The following HSPG2 variants were observed in gnomAD, a reference collection of about 807,000 sequenced individuals.
The protein encoded by HSPG2 is basement membrane-specific heparan sulfate proteoglycan core protein.
In HSPG2, 278 loss-of-function variants were observed where a neutral mutation model predicts 526.6. The observed-to-expected ratio is 0.53, with a 90% CI of 0.48 to 0.58. The LOEUF is 0.58. Among genes scored for constraint, HSPG2 ranks in the 20% least tolerant of loss-of-function variants. The probability of loss-of-function intolerance (pLI) is 0.00; values close to 1 mark genes in which losing one functional copy is unlikely to be tolerated. For missense variants in HSPG2, 5,354 were observed against 6,099.5 expected (o/e 0.88, Z 4.07); for synonymous variants, 2,465 against 2,555.4 (o/e 0.96, Z 1.07).
intron 1 of HSPG2, among the ~76,000 whole-genome samples, chr1:21,925,398 C>T (rs9426788): frequency 0.23 from 34,878 of 152,120 alleles, 4,510 homozygotes; most frequent in East Asian, 0.43. Context: ...TTGCATTTCA[C>T]CCAAGCCCCC....
chr1:21,856,324 C>T (rs944345633), intron 44 of HSPG2, among the ~76,000 whole-genome samples: 1 of 152,190 alleles, frequency 6.6e-6, no homozygotes, highest in Non-Finnish European at 1.5e-5. Flanking sequence ...CAATGCCTAC[C>T]TTTCCTTCAG....
chr1:21,854,593 GGCTC>G lies in HSPG2; in HGVS notation c.6288+14_6288+17del. The G allele has an allele frequency of 4.5e-6, 7 of 1,548,988 alleles. No homozygotes were observed. Among genetic ancestry groups the G allele is most frequent in the Non-Finnish European group, 6.1e-6 (7 of 1,143,526 alleles). On this transcript the variant is annotated intron_variant, in intron 49 of 96. Transcript: ENST00000374695. ...CCTGCACCCTGGGTCCCCTGCCATAGGCTCAGGGCCCACATACCTGGGTGTGGGG... is the reference window on the plus strand; with the variant it reads ...CCTGCACCCTGGGTCCCCTGCCATAGAGGGCCCACATACCTGGGTGTGGGG...
chr1:21,834,814 G>A lies in HSPG2; in HGVS notation c.10585C>T (p.Leu3529=), dbSNP rs1572167267. The A allele has an allele frequency of 6.2e-7, 1 of 1,614,234 alleles. No homozygotes were observed. The highest frequency in any genetic ancestry group is 8.5e-7 in the Non-Finnish European group (1 of 1,180,046). ...QVTWSKVGGH[L]RPGIVQSGGV... is the part of the protein sequence containing the mutation. ...CCGCTCTGCACAATGCCTGGCCGCA[G>A]GTGCCCTCCAACTTTGCTCCATGTC... is the stretch of plus-strand genomic sequence containing the variant. Residue 3529 remains leucine, a synonymous_variant, in exon 77 of 97, where the codon CTG becomes TTG. Transcript: ENST00000374695.
At chr1:21,917,345 A>G (rs1466146810) in intron 1 of HSPG2, among the ~76,000 whole-genome samples, 1 of 151,902 alleles carries the variant, frequency 6.6e-6, no homozygotes, top group East Asian at 1.9e-4. Flanking sequence ...AGATGGGAGG[A>G]TCACTTGAGC....
At position 21,823,694 on chromosome 1, in the gene HSPG2, C is replaced by G. The variant is rs1204444973; in HGVS notation, c.12925G>C (p.Val4309Leu). 1 of 1,613,698 alleles carries G rather than the reference C, an allele frequency of 6.2e-7. No individual in the cohort carries two copies. The highest frequency in any genetic ancestry group is 8.5e-7 in the Non-Finnish European group (1 of 1,180,012). ...CCGCTGACCAGCTCCTCACCGTCGA[C>G]TTGGATGGAACCTCTGCGGCCCTCC... ...LREGRRGSIQ[V>L]DGEELVSGRS... Residue 4309 changes from valine (V) to leucine (L), a missense_variant, in exon 96 of 97, where the codon GTC (valine) becomes CTC (leucine). Coordinates refer to ENST00000374695, the MANE Select transcript of HSPG2 (RefSeq NM_005529.7).
At chr1:21,930,092 AC>A (rs1308435963) in intron 1 of HSPG2, among the ~76,000 whole-genome samples, 1 of 151,114 alleles carries the variant, frequency 6.6e-6, no homozygotes, top group Non-Finnish European at 1.5e-5. Flanking sequence ...TGCTGCATCC[AC>A]CATGCTCCCC....
At chr1:21,926,390 T>C (rs1644192314) in intron 1 of HSPG2, among the ~76,000 whole-genome samples, 1 of 151,982 alleles carries the variant, frequency 6.6e-6, no homozygotes, top group African/African-American at 2.4e-5. Context: ...AGGAAACTCC[T>C]GGGTTTCTGT....
At chr1:21,923,143 A>G (rs1644089979) in intron 1 of HSPG2, among the ~76,000 whole-genome samples, 1 of 152,168 alleles carries the variant, frequency 6.6e-6, no homozygotes, top group African/African-American at 2.4e-5. Flanking sequence ...ACGGTGGCTC[A>G]CACCTGTAAT....
In HSPG2 at chr1:21,857,129, A is replaced by T; in HGVS notation, c.5461T>A (p.Phe1821Ile). Reference sequence around the variant, plus strand: ...TTGCGAATGGTCAGGATGCCATTGAAATCCATGGCTCGGGTGGGCAGTTTC... The same window carrying T: ...TTGCGAATGGTCAGGATGCCATTGATATCCATGGCTCGGGTGGGCAGTTTC... ...NGKLPTRAMD[F>I]NGILTIRNVQ... The change falls in exon 44 of 97, where the codon TTC (phenylalanine) becomes ATC (isoleucine). Residue 1821 changes from phenylalanine (F) to isoleucine (I), a missense_variant. By Grantham distance (21) the Phe-to-Ile change is conservative. Coordinates refer to ENST00000374695, the MANE Select transcript of HSPG2 (RefSeq NM_005529.7). 6.2e-7 allele frequency: 1 copy of T among 1,614,094 alleles called. No homozygotes were observed. The highest frequency in any genetic ancestry group is 8.5e-7 in the Non-Finnish European group (1 of 1,179,998).
In HSPG2 at chr1:21,890,316, G is replaced by A. The variant is rs1642262080; in HGVS notation, c.413+111C>T. ...CAATTCCTGAATTTCCACCCACAGC[G>A]ACTCATCCCATAGGCCTTTCCGCGG... On this transcript the variant is annotated intron_variant, in intron 5 of 96. Coordinates refer to ENST00000374695, the MANE Select transcript of HSPG2 (RefSeq NM_005529.7). This position sits in a 1 kb window ranked among gnomAD's most constrained non-coding sequence, Gnocchi z 4.1. 8.6e-6 allele frequency: 11 copies of A among 1,284,966 alleles called. No homozygotes were observed. The highest frequency in any genetic ancestry group is 1.7e-5 in the Admixed American group (1 of 58,944). 79.6% of individuals were successfully genotyped at this position (1,284,966 alleles called of 1,614,324 possible).
Position 21,831,259 on chromosome 1 carries a change from G to A in HSPG2, c.11518C>T (p.His3840Tyr). The A allele has an allele frequency of 6.2e-7, 1 of 1,614,050 alleles. No individual in the cohort carries two copies. Among genetic ancestry groups the A allele is most frequent in the Non-Finnish European group, 8.5e-7 (1 of 1,179,996 alleles). ...IVFHDLNLTAHGISHCPTCRD... is the reference protein window; with the variant it reads ...IVFHDLNLTAYGISHCPTCRD... ...CAGGTGGGGCAGTGGGAGATGCCGTGCGCCGTGAGGTTGAGGTCATGGAAG... is the reference window on the plus strand; with the variant it reads ...CAGGTGGGGCAGTGGGAGATGCCGTACGCCGTGAGGTTGAGGTCATGGAAG... Residue 3840 changes from histidine to tyrosine, a missense_variant, in exon 84 of 97, where the codon CAC becomes TAC. Coordinates refer to ENST00000374695, the MANE Select transcript of HSPG2 (RefSeq NM_005529.7).
chr1:21,911,811 T>A (rs1335605359), intron 1 of HSPG2, among the ~76,000 whole-genome samples: 1 of 152,150 alleles, frequency 6.6e-6, no homozygotes, highest in African/African-American at 2.4e-5. Context: ...CCCCCTCAGC[T>A]GCCGGCCAGC....
chr1:21,885,084 G>T lies in HSPG2; in HGVS notation c.1284C>A (p.Cys428Ter). ...TGGGGGTGGGGACGCCAATGGCCAC[G>T]CAGGTGAAGGTCACTGTCTGGCCCC... ...ASRGQTVTFT[C>*]VAIGVPTPII... Residue 428 changes from cysteine (C) to a stop codon, truncating the protein, a stop_gained, in exon 11 of 97, where the codon TGC (cysteine) becomes TGA (stop). Coordinates refer to ENST00000374695, the MANE Select transcript of HSPG2 (RefSeq NM_005529.7). LOFTEE classifies it high-confidence loss of function. 1 of 1,613,696 alleles carries T rather than the reference G, an allele frequency of 6.2e-7. No individual in the cohort carries two copies. Among genetic ancestry groups the T allele is most frequent in the East Asian group, 2.2e-5 (1 of 44,844 alleles).
intron 1 of HSPG2, among the ~76,000 whole-genome samples, chr1:21,900,061 C>G (rs1643006600): frequency 6.6e-6 from 1 of 152,228 alleles, no homozygotes. Context: ...GAAATAGAAC[C>G]CAGGTTTCCT....
At position 21,874,680 on chromosome 1, in the gene HSPG2, G is replaced by A; in HGVS notation, c.3464C>T (p.Thr1155Ile). The A allele has an allele frequency of 1.9e-6, 3 of 1,611,772 alleles. No individual in the cohort carries two copies. Among genetic ancestry groups the A allele is most frequent in the East Asian group, 4.5e-5 (2 of 44,754 alleles). Residue 1155 changes from threonine (T) to isoleucine (I), a missense_variant, in exon 27 of 97, where the codon ACC becomes ATC. Physicochemically the swap from Thr to Ile is moderately conservative, Grantham distance 89 (BLOSUM62 -1). Transcript: ENST00000374695. ...TRTPSGLYLG[T>I]CERCSCHGHS... ...GCCATGGCAGCTGCAGCGTTCACAG[G>A]TACCCAGGTAGAGGCCACTGGGCGT... is the stretch of plus-strand genomic sequence containing the variant.
intron 1 of HSPG2, among the ~76,000 whole-genome samples, chr1:21,917,588 G>T (rs1041098645): frequency 2.6e-5 from 4 of 152,158 alleles, no homozygotes; most frequent in Non-Finnish European, 5.9e-5. Flanking sequence ...GCTGGGCTTG[G>T]ACTTCTCCAC....
rs769610711 is a variant in HSPG2 at position 21,824,416 on chromosome 1, G to T, written c.12745-40C>A. 3 of 1,610,606 alleles carry T rather than the reference G, an allele frequency of 1.9e-6. No individual in the cohort carries two copies. The highest frequency in any genetic ancestry group is 2.2e-5 in the South Asian group (2 of 91,034). On this transcript the variant is annotated intron_variant, in intron 93 of 96. Coordinates refer to ENST00000374695, the MANE Select transcript of HSPG2 (RefSeq NM_005529.7). The surrounding 1 kb of genome is among the most constrained non-coding windows in gnomAD (Gnocchi z 5.9). ...CAGGGTCTCTGGGGTCCCCAGCCTGGAGAGCAGAGGCTGCCGAGGCCAGGG... is the reference window on the plus strand; with the variant it reads ...CAGGGTCTCTGGGGTCCCCAGCCTGTAGAGCAGAGGCTGCCGAGGCCAGGG...
chr1:21,901,776 C>G (rs1257087574), intron 1 of HSPG2, among the ~76,000 whole-genome samples: 1 of 152,130 alleles, frequency 6.6e-6, no homozygotes, highest in Non-Finnish European at 1.5e-5. Flanking sequence ...AATCCAGAGA[C>G]AGTGCAGGGG....
rs577895764 is a variant in HSPG2 at position 21,906,169 on chromosome 1, C to T, written c.64-9859G>A. Among the ~76,000 whole-genome samples the T allele has an allele frequency of 3.3e-5, 5 of 152,344 alleles. No individual in the cohort carries two copies. The East Asian group carries it at 5.8e-4, about 18-fold the overall frequency. On this transcript the variant is annotated intron_variant, in intron 1 of 96. Transcript: ENST00000374695. ...GAAGGAACTCCATACCACCTGGTCC[C>T]GCCGATGATGCCTGGGACTTTCCTG...
Sources: gnomAD v4.1 joint callset for allele counts (sites outside exome capture counted in the v4.1 genomes callset) on GRCh38, gnomAD v4.1.1 for gene constraint, Gnocchi (gnomAD v3.1) non-coding constraint, MANE v1.5 for transcripts, NCBI Gene and HGNC (gene_info 2026-07-23, HGNC 2026-07-21) for gene names.